The following GRIK2 variants were observed in gnomAD, a reference collection of about 807,000 sequenced individuals.
GRIK2 encodes glutamate ionotropic receptor kainate type subunit 2.
Under a neutral mutation model 100.3 loss-of-function variants are expected in GRIK2, and 32 were observed. The observed-to-expected ratio is 0.32, with a 90% CI of 0.24 to 0.43. The LOEUF (loss-of-function observed/expected upper bound fraction) is 0.43, where lower values mean the gene tolerates loss of function less well. GRIK2 is among the 20% of genes least tolerant of loss of function. The probability of loss-of-function intolerance (pLI) is 1.00; values close to 1 mark genes in which losing one functional copy is unlikely to be tolerated. For missense variants in GRIK2, 843 were observed against 1,114.9 expected, an observed-to-expected ratio of 0.76 and a Z score of 3.47; for synonymous variants, 417 against 389.4, an observed-to-expected ratio of 1.07 and a Z score of -0.83.
chr6:101,764,433 C>G (rs1229025162), intron 7 of GRIK2, among the ~76,000 whole-genome samples: 5 of 151,930 alleles, frequency 3.3e-5, no homozygotes, highest in East Asian at 1.9e-4. Flanking sequence ...AACCAGCACT[C>G]TGTGTGTGTG....
At chr6:101,889,162 CTG>C (rs903883051) in intron 11 of GRIK2, among the ~76,000 whole-genome samples, 2 of 152,014 alleles carry the variant, frequency 1.3e-5, no homozygotes, top group African/African-American at 4.8e-5. Context: ...AATCTTTTAA[CTG>C]TATTCTATAT....
At chr6:101,715,532 T>A (rs1194056527) in intron 7 of GRIK2, among the ~76,000 whole-genome samples, 2 of 151,748 alleles carry the variant, frequency 1.3e-5, no homozygotes, top group Non-Finnish European at 1.5e-5. Context: ...AGTATTTTAG[T>A]TTGGTCTACG....
At chr6:101,572,351 C>G (rs932833461) in intron 2 of GRIK2, among the ~76,000 whole-genome samples, 7 of 152,054 alleles carry the variant, frequency 4.6e-5, no homozygotes, top group African/African-American at 1.7e-4. Context: ...ACCGCTCTTT[C>G]TCCCATCATA....
chr6:101,613,559 T>A (rs1779770704), intron 2 of GRIK2, among the ~76,000 whole-genome samples: 2 of 151,660 alleles, frequency 1.3e-5, no homozygotes, highest in African/African-American at 4.8e-5. Context: ...TGTAAAAAAA[T>A]TTTAAAAAAG....
intron 16 of GRIK2, 45 bp downstream of exon 16, chr6:102,055,625 G>A: frequency 6.9e-7 from 1 of 1,454,054 alleles, no homozygotes; most frequent in Non-Finnish European, 9.6e-7. Context: ...AATTTTTGTT[G>A]TTACAATAAA....
intron 7 of GRIK2, among the ~76,000 whole-genome samples, chr6:101,734,669 G>T (rs1449928631): frequency 1.5e-4 from 23 of 152,174 alleles, no homozygotes; most frequent in Admixed American, 1.5e-3. Flanking sequence ...ATAGAAAGAG[G>T]CTGGAGCAGA....
At chr6:101,946,047 G>A (rs935315950) in intron 14 of GRIK2, among the ~76,000 whole-genome samples, 2 of 150,564 alleles carry the variant, frequency 1.3e-5, no homozygotes, top group Non-Finnish European at 1.5e-5. Context: ...AATAAGCCAG[G>A]ATAAACCATT....
chr6:101,563,343 A>G (rs1209154213), intron 2 of GRIK2, among the ~76,000 whole-genome samples: 1 of 152,210 alleles, frequency 6.6e-6, no homozygotes, highest in East Asian at 1.9e-4. Flanking sequence ...TTTTCACTGA[A>G]AACATAGTTT....
rs535893373 is a variant in GRIK2 at position 101,534,044 on chromosome 6, G to A, written c.116-87905G>A. Among the ~76,000 whole-genome samples the A allele has an allele frequency of 9.5e-4, 144 of 151,902 alleles. 6 individuals carry two copies. The South Asian group carries it at 0.025, about 27-fold the overall frequency. ...GAGAAGCAATACTTACAAAAGCATCGCAAGCAGGCCAAGATAATACAGATA... is the reference window on the plus strand; with the variant it reads ...GAGAAGCAATACTTACAAAAGCATCACAAGCAGGCCAAGATAATACAGATA... On this transcript the variant is annotated intron_variant, in intron 2 of 16. Coordinates refer to ENST00000369134, the MANE Select transcript of GRIK2 (RefSeq NM_021956.5).
chr6:101,977,881 C>G (rs1793486357), intron 14 of GRIK2, among the ~76,000 whole-genome samples: 1 of 151,972 alleles, frequency 6.6e-6, no homozygotes. Flanking sequence ...CTAAATAAAG[C>G]TCCTCGAGAA....
chr6:101,663,542 T>C (rs1278483952), intron 4 of GRIK2, among the ~76,000 whole-genome samples: 2 of 152,178 alleles, frequency 1.3e-5, no homozygotes, highest in South Asian at 2.1e-4. Flanking sequence ...AGAAGAAATA[T>C]ACAGGATGCT....
At chr6:101,577,904 T>C (rs1777865743) in intron 2 of GRIK2, among the ~76,000 whole-genome samples, 1 of 152,004 alleles carries the variant, frequency 6.6e-6, no homozygotes, top group African/African-American at 2.4e-5. Context: ...GAATGGGGAA[T>C]GGATGGGAAC....
intron 10 of GRIK2, among the ~76,000 whole-genome samples, chr6:101,834,842 T>C (rs1462149141): frequency 1.3e-5 from 2 of 151,502 alleles, no homozygotes; most frequent in African/African-American, 4.9e-5. Flanking sequence ...CTACAAATAA[T>C]AAAATAAAAA....
rs568653951 is a variant in GRIK2 at position 101,860,589 on chromosome 6, A to G, written c.1524+1096A>G. ...TACTAAGCATTCTCTGAAGATGGCTATAGCCATTCAATGGTCGTGGTCTAA... is the reference window on the plus strand; with the variant it reads ...TACTAAGCATTCTCTGAAGATGGCTGTAGCCATTCAATGGTCGTGGTCTAA... On this transcript the variant is annotated intron_variant, in intron 11 of 16. Coordinates refer to ENST00000369134, the MANE Select transcript of GRIK2 (RefSeq NM_021956.5). Among the ~76,000 whole-genome samples the G allele has an allele frequency of 5.5e-4, 83 of 152,186 alleles. 1 individual carries two copies. The highest frequency in any genetic ancestry group is 9.6e-4 in the Non-Finnish European group (65 of 68,038).
rs11454516 is a variant in GRIK2 at position 101,823,862 on chromosome 6, G to GTTT, written c.1317+5390_1317+5392dup. Among the ~76,000 whole-genome samples, 80 of 130,388 alleles carry GTTT rather than the reference G, an allele frequency of 6.1e-4. 1 individual carries two copies. Among genetic ancestry groups the GTTT allele is most frequent in the Admixed American group, 2.7e-3 (35 of 12,874 alleles). 85.5% of individuals were successfully genotyped at this position (130,388 alleles called of 152,430 possible). On this transcript the variant is annotated intron_variant, in intron 10 of 16. Coordinates refer to ENST00000369134, the MANE Select transcript of GRIK2 (RefSeq NM_021956.5). ...ATGTTTGTTTACATGAGTAAGTTCTGTTTTTTTTTTTTTGTTTTTTTTTTT... is the reference window on the plus strand; with the variant it reads ...ATGTTTGTTTACATGAGTAAGTTCTGTTTTTTTTTTTTTTTTGTTTTTTTTTTT...
At chr6:101,459,746 T>G (rs1461768282) in intron 2 of GRIK2, among the ~76,000 whole-genome samples, 1 of 151,894 alleles carries the variant, frequency 6.6e-6, no homozygotes, top group Non-Finnish European at 1.5e-5. Flanking sequence ...TTTATTGTAC[T>G]CTGCTCTGGA....
At chr6:101,568,945 G>A (rs1167689466) in intron 2 of GRIK2, among the ~76,000 whole-genome samples, 2 of 151,840 alleles carry the variant, frequency 1.3e-5, no homozygotes, top group Non-Finnish European at 2.9e-5. Flanking sequence ...AAACTTGCCT[G>A]GAGTCCTGTG....
chr6:101,755,041 A>G (rs1490641615), intron 7 of GRIK2, among the ~76,000 whole-genome samples: 1 of 152,172 alleles, frequency 6.6e-6, no homozygotes, highest in Non-Finnish European at 1.5e-5. Flanking sequence ...AATGGCCGAC[A>G]CCAACAGGTT....
chr6:101,580,705 T>G (rs2128302707), intron 2 of GRIK2, among the ~76,000 whole-genome samples: 1 of 152,196 alleles, frequency 6.6e-6, no homozygotes, highest in African/African-American at 2.4e-5. Flanking sequence ...TCCTACCATC[T>G]TTCTCTTCCT....
Sources: gnomAD v4.1 joint callset for allele counts (sites outside exome capture counted in the v4.1 genomes callset) on GRCh38, gnomAD v4.1.1 for gene constraint, MANE v1.5 for transcripts, NCBI Gene and HGNC (gene_info 2026-07-23, HGNC 2026-07-21) for gene names.